Variants in TTC23 observed in about 807,000 individuals in gnomAD.
The protein encoded by TTC23 is tetratricopeptide repeat protein 23.
A neutral mutation model predicts 55.1 loss-of-function variants in TTC23; 58 were observed. The ratio of observed to expected loss-of-function variants is 1.05; its 90% CI spans 0.85 to 1.31. TTC23 has a LOEUF of 1.31. TTC23 is among the 50% of genes most tolerant of loss of function. The pLI is 0.00. For missense variants in TTC23, 516 were observed against 534.4 expected (o/e 0.97, Z 0.34); for synonymous variants, 203 against 199.9 (o/e 1.02, Z -0.13).
At chr15:99,191,588 T>C (rs1457855189) in intron 9 of TTC23, among the ~76,000 whole-genome samples, 1 of 152,212 alleles carries the variant, frequency 6.6e-6, no homozygotes, top group Non-Finnish European at 1.5e-5. Context: ...ATGTAAGACA[T>C]GACTTGCTCC....
intron 8 of TTC23, among the ~76,000 whole-genome samples, chr15:99,203,243 C>CA (rs2076338924): frequency 6.6e-6 from 1 of 151,918 alleles, no homozygotes; most frequent in African/African-American, 2.4e-5. Context: ...AGTAAGAACG[C>CA]ATAAATAAAA....
chr15:99,136,368 C>G lies in TTC23; in HGVS notation c.*1642G>C, dbSNP rs1248417100. 2 of 152,270 alleles carry G rather than the reference C, an allele frequency of 1.3e-5. No homozygotes were observed. The highest frequency in any genetic ancestry group is 6.5e-5 in the Admixed American group (1 of 15,284). 9.4% of individuals were successfully genotyped at this position (152,270 alleles called of 1,614,324 possible). A position where few individuals can be genotyped will look rare whatever the true frequency, so the allele number is the denominator to read the frequency against. On this transcript the variant is annotated 3_prime_UTR_variant, in exon 14 of 14. Transcript: ENST00000394132. The stretch of plus-strand genomic sequence containing the variant: ...ATTTCAAAAACTCGGCATGGACTCT[C>G]AGTTCAGGCTGCTGTAACAGAAAGC...
Sources: allele counts gnomAD v4.1 joint callset (sites outside exome capture counted in the v4.1 genomes callset), GRCh38; gene constraint gnomAD v4.1.1; transcripts MANE v1.5; gene names NCBI Gene and HGNC (gene_info 2026-07-23, HGNC 2026-07-21).